The following EYA4 variants were observed in gnomAD, a reference collection of about 807,000 sequenced individuals.
The protein encoded by EYA4 is protein phosphatase EYA4.
In EYA4, 31 loss-of-function variants were observed where a neutral mutation model predicts 87.9. The ratio of observed to expected loss-of-function variants is 0.35; its 90% confidence interval spans 0.27 to 0.48. The LOEUF (loss-of-function observed/expected upper bound fraction) is 0.48, where lower values mean the gene tolerates loss of function less well. Ranked by LOEUF, EYA4 falls within the 20% of genes least tolerant of loss-of-function variation. The probability of loss-of-function intolerance (pLI) is 0.99; values close to 1 mark genes in which losing one functional copy is unlikely to be tolerated. For missense variants in EYA4, 678 were observed against 761.4 expected, an observed-to-expected ratio of 0.89 and a Z score of 1.29; for synonymous variants, 263 against 270.6, an observed-to-expected ratio of 0.97 and a Z score of 0.28.
chr6:133,456,486 T>C (rs1793913361), intron 5 of EYA4, 70 bp from the exon 6 acceptor site: 4 of 1,039,120 alleles, frequency 3.8e-6, no homozygotes, highest in Admixed American at 3.4e-5. Context: ...GAAATATCAC[T>C]AGTAGAACGG....
intron 16 of EYA4, among the ~76,000 whole-genome samples, chr6:133,513,332 A>G (rs957486507): frequency 1.3e-5 from 2 of 152,188 alleles, no homozygotes; most frequent in African/African-American, 2.4e-5. Flanking sequence ...TTGGAGCATT[A>G]TCAGTGAAAA....
chr6:133,457,363 A>G (rs189205967), intron 6 of EYA4, among the ~76,000 whole-genome samples: 2 of 152,248 alleles, frequency 1.3e-5, no homozygotes, highest in African/African-American at 4.8e-5. Context: ...TTCTAACCTG[A>G]GGAGGATCGG....
At chr6:133,342,611 T>C (rs1554230282) in intron 2 of EYA4, among the ~76,000 whole-genome samples, 1 of 79,682 alleles carries the variant, frequency 1.3e-5, no homozygotes, top group East Asian at 3.1e-4. Context: ...ATATAATTCT[T>C]TATATTTCTC....
At chr6:133,432,718 T>C (rs764135991) in intron 3 of EYA4, among the ~76,000 whole-genome samples, 15 of 152,188 alleles carry the variant, frequency 9.9e-5, no homozygotes, top group Admixed American at 4.6e-4. Flanking sequence ...TATTTTTGTT[T>C]GCTAAGGTCA....
chr6:133,303,825 T>C (rs1182671886), intron 2 of EYA4, among the ~76,000 whole-genome samples: 3 of 152,240 alleles, frequency 2.0e-5, no homozygotes, highest in South Asian at 2.1e-4. Flanking sequence ...TGGTATCTCA[T>C]GTGCCATGGT....
At chr6:133,432,681 C>A (rs1440779621) in intron 3 of EYA4, among the ~76,000 whole-genome samples, 16 of 151,990 alleles carry the variant, frequency 1.1e-4, no homozygotes. Context: ...TATATTACTG[C>A]ATGTTCGTCT....
chr6:133,493,054 C>T (rs1046011030), intron 13 of EYA4, among the ~76,000 whole-genome samples: 1 of 152,032 alleles, frequency 6.6e-6, no homozygotes, highest in Non-Finnish European at 1.5e-5. Flanking sequence ...TCAATGCAAT[C>T]ACTATCAAAA....
intron 2 of EYA4, among the ~76,000 whole-genome samples, chr6:133,321,510 T>C (rs771429473): frequency 6.6e-6 from 1 of 152,198 alleles, no homozygotes; most frequent in Non-Finnish European, 1.5e-5. Context: ...CAGTTGTTGT[T>C]TGCAGAAGTT....
At chr6:133,520,994 C>G (rs1245692525) in intron 17 of EYA4, among the ~76,000 whole-genome samples, 2 of 151,524 alleles carry the variant, frequency 1.3e-5, no homozygotes, top group Admixed American at 1.3e-4. Context: ...AATGTTAGAC[C>G]TAAAACTATA....
At chr6:133,419,212 A>AAT (rs1790010842) in intron 3 of EYA4, among the ~76,000 whole-genome samples, 1 of 152,238 alleles carries the variant, frequency 6.6e-6, no homozygotes, top group South Asian at 2.1e-4. Context: ...ACTCATGAAC[A>AAT]GTGTGTCAGC....
chr6:133,248,513 A>G (rs544279128), intron 1 of EYA4: 1 of 152,176 alleles, frequency 6.6e-6, no homozygotes, highest in South Asian at 2.1e-4. Flanking sequence ...ATTACATTTC[A>G]CCTCTGACTT....
chr6:133,466,816 G>C (rs1182628561), intron 10 of EYA4, among the ~76,000 whole-genome samples: 1 of 151,790 alleles, frequency 6.6e-6, no homozygotes. Context: ...GCATGAGGGG[G>C]AAGTGGGGAA....
intron 5 of EYA4, among the ~76,000 whole-genome samples, chr6:133,451,771 A>C (rs1793467164): frequency 6.6e-6 from 1 of 152,166 alleles, no homozygotes; most frequent in South Asian, 2.1e-4. Context: ...AACAACTTCA[A>C]AGAAAAGGTT....
At chr6:133,290,570 T>A (rs1164872238) in intron 2 of EYA4, among the ~76,000 whole-genome samples, 1 of 152,090 alleles carries the variant, frequency 6.6e-6, no homozygotes, top group Non-Finnish European at 1.5e-5. Context: ...TACACCAGGG[T>A]TTTTAGGGAG....
At chr6:133,304,916 T>G (rs1346007733) in intron 2 of EYA4, among the ~76,000 whole-genome samples, 13 of 152,118 alleles carry the variant, frequency 8.5e-5, no homozygotes, top group Non-Finnish European at 1.5e-5. Flanking sequence ...ATAATATCAG[T>G]GAAATATACA....
chr6:133,436,083 G>A (rs1208223583), intron 3 of EYA4, among the ~76,000 whole-genome samples: 1 of 152,152 alleles, frequency 6.6e-6, no homozygotes, highest in African/African-American at 2.4e-5. Flanking sequence ...GCCAGGCGTG[G>A]TGGCACGTGC....
Position 133,525,187 on chromosome 6 carries a change from G to C in EYA4, c.1772G>C (p.Arg591Thr). The change falls in exon 19 of 20, where the codon AGG becomes ACG. Residue 591 changes from arginine (R) to threonine (T), a missense_variant. Physicochemically the swap from Arg to Thr is moderately conservative, Grantham distance 71 (BLOSUM62 -1). Transcript: ENST00000355286. The stretch of plus-strand genomic sequence containing the variant: ...AGTTGCTTTGAACGAATAATGCAAA[G>C]GTTTGGCAGAAAAGTAGTGTATGTT... Reference protein sequence around the residue: ...KESCFERIMQRFGRKVVYVVI... With the variant: ...KESCFERIMQTFGRKVVYVVI... 1.2e-6 allele frequency: 2 copies of C among 1,613,780 alleles called. No homozygotes were observed. The highest frequency in any genetic ancestry group is 1.7e-6 in the Non-Finnish European group (2 of 1,179,784).
At chr6:133,345,399 A>G (rs1783116950) in intron 2 of EYA4, among the ~76,000 whole-genome samples, 1 of 152,170 alleles carries the variant, frequency 6.6e-6, no homozygotes, top group Non-Finnish European at 1.5e-5. Context: ...AGTATGATGT[A>G]TATATCTTTG....
intron 19 of EYA4, among the ~76,000 whole-genome samples, chr6:133,525,742 A>G (rs1053817238): frequency 3.9e-5 from 6 of 152,140 alleles, no homozygotes; most frequent in Non-Finnish European, 5.9e-5. Context: ...TGCATGCCAT[A>G]TGGTCCTCGT....
Sources: gnomAD v4.1 joint callset for allele counts (sites outside exome capture counted in the v4.1 genomes callset) on GRCh38, gnomAD v4.1.1 for gene constraint, MANE v1.5 for transcripts, NCBI Gene and HGNC (gene_info 2026-07-23, HGNC 2026-07-21) for gene names.